CEP290: variants seen among roughly 807,000 people sequenced by gnomAD.
CEP290 encodes the protein centrosomal protein 290.
CEP290 carries 317 observed loss-of-function variants against 344.9 expected under a neutral mutation model. The ratio of observed to expected loss-of-function variants is 0.92; its 90% CI spans 0.84 to 1.01. The LOEUF (loss-of-function observed/expected upper bound fraction) is 1.01. Ranked by LOEUF, CEP290 falls within the 50% of genes least tolerant of loss-of-function variation. CEP290 has a pLI of 0.00. For synonymous variants in CEP290, 932 were observed against 895.8 expected (o/e 1.04, Z -0.72); for missense variants, 2,754 against 2,761.4 (o/e 1.00, Z 0.06).
At chr12:88,060,502 G>T in intron 47 of CEP290, among the ~76,000 whole-genome samples, 1 of 152,114 alleles carries the variant, frequency 6.6e-6, no homozygotes. Context: ...AGAGCTTGCA[G>T]TGAGTCAAGA....
rs376493409 is a variant in CEP290, at chr12:88,083,161, G to T, written c.4882C>A (p.Gln1628Lys). The T allele has an allele frequency of 8.4e-6, 13 of 1,552,940 alleles. No homozygotes were observed. The highest frequency in any genetic ancestry group is 1.0e-5 in the Non-Finnish European group (12 of 1,149,868). ...KHFIRLAEME[Q>K]TVAEQDDSLS... ...GAGTCATCTTGTTCTGCTACTGTCT[G>T]TTCCATCTCAGCCAGACGAATAAAA... The change falls in exon 37 of 54, where the codon CAG becomes AAG. Residue 1628 changes from glutamine (Q) to lysine (K), a missense_variant. Coordinates refer to ENST00000552810, the MANE Select transcript of CEP290 (RefSeq NM_025114.4).
chr12:88,080,253 G>A lies in CEP290; in HGVS notation c.5155C>T (p.Pro1719Ser). 1 of 1,613,242 alleles carries A rather than the reference G, an allele frequency of 6.2e-7. No homozygotes were observed. Among genetic ancestry groups the A allele is most frequent in the Non-Finnish European group, 8.5e-7 (1 of 1,179,670 alleles). Residue 1719 changes from proline (P) to serine (S), a missense_variant, in exon 38 of 54, where the codon CCA (proline) becomes TCA (serine). Pro to Ser is a moderately conservative substitution (Grantham distance 74). Coordinates refer to ENST00000552810, the MANE Select transcript of CEP290 (RefSeq NM_025114.4). The part of the protein sequence containing the change: ...QAQKEANSRA[P>S]TTTMRNLVER... ...ACTAGATTTCTCATTGTAGTTGTTG[G>A]AGCTCTTGAATTTGCTTCTTTTTGA...
rs1317962395 is a variant in CEP290 at position 88,059,886 on chromosome 12, T to C, written c.6645+12A>G. On this transcript the variant is annotated intron_variant, in intron 48 of 53. Coordinates refer to ENST00000552810, the MANE Select transcript of CEP290 (RefSeq NM_025114.4). The stretch of plus-strand genomic sequence containing the variant: ...AAAAATCAAAAGTTATAATCAGTCA[T>C]AAAAGTCATACTTTTTTAAGTTCTT... The C allele has an allele frequency of 6.4e-7, 1 of 1,571,196 alleles. No individual in the cohort carries two copies. The highest frequency in any genetic ancestry group is 8.6e-7 in the Non-Finnish European group (1 of 1,162,684).
At chr12:88,063,392 A>AAAAAATCATTATTAATATCTTTTAG (rs1387474471) in intron 45 of CEP290, among the ~76,000 whole-genome samples, 1 of 152,146 alleles carries the variant, frequency 6.6e-6, no homozygotes, top group Non-Finnish European at 1.5e-5. Context: ...ATATCAGAAT[A>AAAAAATCATTATTAATATCTTTTAG]AAGTAAAATT....
At chr12:88,106,598 A>T in intron 25 of CEP290, 77 bp downstream of exon 25, 1 of 853,512 alleles carries the variant, frequency 1.2e-6, no homozygotes, top group Non-Finnish European at 1.8e-6. Context: ...GGTGATGAGC[A>T]TTATTGATAC....
At chr12:88,071,243 T>G (rs1166218504) in intron 43 of CEP290, 51 bp downstream of exon 43, 13 of 1,421,756 alleles carry the variant, frequency 9.1e-6, no homozygotes, top group Non-Finnish European at 1.3e-5. Context: ...TTTCTAGGGG[T>G]CAACCAGTTT....
At chr12:88,086,568 T>A (rs2036591184) in intron 32 of CEP290, 70 bp from the exon 33 acceptor site, 6 of 1,030,604 alleles carry the variant, frequency 5.8e-6, no homozygotes, top group Middle Eastern at 4.2e-4. Context: ...ATTTTATATA[T>A]ATTTTCTTAT....
In CEP290 at chr12:88,083,149, C is replaced by G. The variant is rs916470951; in HGVS notation, c.4894G>C (p.Glu1632Gln). The G allele has an allele frequency of 6.4e-7, 1 of 1,555,032 alleles. No homozygotes were observed. Among genetic ancestry groups the G allele is most frequent in the East Asian group, 2.4e-5 (1 of 41,850 alleles). Reference protein sequence around the residue: ...RLAEMEQTVAEQDDSLSSLLV... With the variant: ...RLAEMEQTVAQQDDSLSSLLV... ...AGTGAGGAAAGAGAGTCATCTTGTT[C>G]TGCTACTGTCTGTTCCATCTCAGCC... The change falls in exon 37 of 54, where the codon GAA (glutamate) becomes CAA (glutamine). Residue 1632 changes from glutamate to glutamine, a missense_variant. Transcript: ENST00000552810.
intron 30 of CEP290, among the ~76,000 whole-genome samples, chr12:88,090,424 G>A (rs948167109): frequency 6.6e-6 from 1 of 152,132 alleles, no homozygotes; most frequent in African/African-American, 2.4e-5. Context: ...TTTAACCCAG[G>A]AGTTTGGGAC....
chr12:88,132,446 T>C (rs1592680299), intron 6 of CEP290, among the ~76,000 whole-genome samples: 1 of 152,336 alleles, frequency 6.6e-6, no homozygotes. Context: ...GACTAGATAA[T>C]GGTGTTGAAT....
intron 27 of CEP290, 148 bp downstream of exon 27, chr12:88,096,740 C>A: frequency 1.9e-6 from 1 of 515,238 alleles, no homozygotes; most frequent in Non-Finnish European, 3.3e-6. Flanking sequence ...GATTATTCAT[C>A]TGCCTAAGTT....
chr12:88,119,124 G>C (rs2039251560), intron 15 of CEP290, among the ~76,000 whole-genome samples: 1 of 152,100 alleles, frequency 6.6e-6, no homozygotes, highest in Admixed American at 6.5e-5. Context: ...AAGTTGATCA[G>C]AAGTCTAATT....
intron 11 of CEP290, among the ~76,000 whole-genome samples, chr12:88,128,134 A>G (rs922908587): frequency 2.0e-5 from 3 of 152,180 alleles, no homozygotes; most frequent in Admixed American, 6.5e-5. Context: ...CTTTCATGCT[A>G]TAAGCAGAGT....
intron 11 of CEP290, among the ~76,000 whole-genome samples, chr12:88,127,269 C>T (rs1346145511): frequency 1.3e-5 from 2 of 152,162 alleles, no homozygotes; most frequent in African/African-American, 2.4e-5. Context: ...AGGAGGATCA[C>T]TTGAGGCCAG....
intron 47 of CEP290, 26 bp from the exon 48 acceptor site, chr12:88,060,046 A>T (rs1188843803): frequency 6.8e-7 from 1 of 1,479,942 alleles, no homozygotes; most frequent in Admixed American, 2.5e-5. Flanking sequence ...ACAAAATAAA[A>T]AGTATACATT....
At chr12:88,052,338 CA>C (rs1377434613) in intron 52 of CEP290, among the ~76,000 whole-genome samples, 1 of 152,052 alleles carries the variant, frequency 6.6e-6, no homozygotes, top group Non-Finnish European at 1.5e-5. Context: ...AAATATCCAT[CA>C]AAACATAAAT....
At chr12:88,135,394 T>C (rs1274858866) in intron 6 of CEP290, among the ~76,000 whole-genome samples, 2 of 152,158 alleles carry the variant, frequency 1.3e-5, no homozygotes, top group Non-Finnish European at 2.9e-5. Flanking sequence ...CAGGTCTATA[T>C]AGAAGAACAA....
chr12:88,063,845 T>C, intron 45 of CEP290, 136 bp downstream of exon 45: 1 of 674,964 alleles, frequency 1.5e-6, no homozygotes. Context: ...AAAGAGCAAA[T>C]GTATAAAGTA....
At chr12:88,103,275 AAACAT>A (rs1397994973) in intron 25 of CEP290, 2 of 209,774 alleles carry the variant, frequency 9.5e-6, no homozygotes, top group Non-Finnish European at 1.9e-5. Context: ...TAATTTGAGA[AAACAT>A]AACAAACAGC....
Sources: allele counts gnomAD v4.1 joint callset (sites outside exome capture counted in the v4.1 genomes callset), GRCh38; gene constraint gnomAD v4.1.1; transcripts MANE v1.5; gene names NCBI Gene and HGNC (gene_info 2026-07-23, HGNC 2026-07-21).